Variants in LUZP2 observed in about 807,000 individuals in gnomAD.
The protein encoded by LUZP2 is leucine zipper protein 2.
In LUZP2, 52 loss-of-function variants were observed where a neutral mutation model predicts 51.6. That is an observed-to-expected ratio of 1.01 (90% CI 0.81 to 1.27). LUZP2 has a LOEUF of 1.27. LUZP2 is among the 50% of genes most tolerant of loss of function. LUZP2 has a pLI of 0.00. For missense variants in LUZP2, 436 were observed against 395.4 expected (o/e 1.10, Z -0.87); for synonymous variants, 154 against 137.3 (o/e 1.12, Z -0.85).
chr11:24,725,577 AAATT>A (rs1858443780), intron 1 of LUZP2, among the ~76,000 whole-genome samples: 1 of 152,146 alleles, frequency 6.6e-6, no homozygotes, highest in African/African-American at 2.4e-5. Context: ...TAATCTAAAT[AAATT>A]ATTTAAAAGA....
intron 10 of LUZP2, among the ~76,000 whole-genome samples, chr11:25,072,172 A>G (rs1193618301): frequency 6.6e-6 from 1 of 152,128 alleles, no homozygotes; most frequent in Non-Finnish European, 1.5e-5. Flanking sequence ...AGCCTGTGCT[A>G]TCATCTTACA....
chr11:25,026,917 G>A (rs971551265), intron 9 of LUZP2, among the ~76,000 whole-genome samples: 2 of 143,150 alleles, frequency 1.4e-5, no homozygotes, highest in African/African-American at 5.1e-5. Flanking sequence ...TATACTTTAA[G>A]TTTTAAACCA....
intron 1 of LUZP2, among the ~76,000 whole-genome samples, chr11:24,655,013 G>C (rs996343180): frequency 6.6e-6 from 1 of 151,994 alleles, no homozygotes; most frequent in Non-Finnish European, 1.5e-5. Context: ...AAAAATCTAG[G>C]CCGTACATAA....
chr11:24,536,385 CTGT>C (rs1471015426), intron 1 of LUZP2, among the ~76,000 whole-genome samples: 4 of 151,988 alleles, frequency 2.6e-5, no homozygotes, highest in African/African-American at 9.6e-5. Flanking sequence ...TATTGAAAAT[CTGT>C]TGTTTAGTGT....
intron 9 of LUZP2, among the ~76,000 whole-genome samples, chr11:25,014,189 G>C (rs1370199499): frequency 1.3e-5 from 2 of 152,146 alleles, no homozygotes; most frequent in Non-Finnish European, 2.9e-5. Context: ...TTGCTATTGT[G>C]AATAGTGCCA....
At chr11:24,523,550 A>T (rs1302463196) in intron 1 of LUZP2, among the ~76,000 whole-genome samples, 8 of 150,486 alleles carry the variant, frequency 5.3e-5, no homozygotes. Context: ...ATAATCTATT[A>T]TATATATATT....
intron 10 of LUZP2, among the ~76,000 whole-genome samples, chr11:25,056,052 T>C (rs544910742): frequency 8.9e-4 from 136 of 152,278 alleles, no homozygotes; most frequent in Non-Finnish European, 1.7e-3. Context: ...CTTTAATTAA[T>C]TTATCAAATG....
intron 1 of LUZP2, among the ~76,000 whole-genome samples, chr11:24,667,424 A>G (rs761747279): frequency 2.6e-5 from 4 of 152,034 alleles, no homozygotes; most frequent in Non-Finnish European, 5.9e-5. Context: ...TGACCTCGTG[A>G]TCTGCCGTCC....
intron 3 of LUZP2, among the ~76,000 whole-genome samples, chr11:24,732,690 C>T (rs535749507): frequency 2.0e-4 from 30 of 151,548 alleles, no homozygotes; most frequent in Non-Finnish European, 3.8e-4. Context: ...ATGAAATATA[C>T]TTGTGTAAAT....
chr11:24,517,183 G>T (rs1471789395), intron 1 of LUZP2, among the ~76,000 whole-genome samples: 5 of 151,896 alleles, frequency 3.3e-5, no homozygotes, highest in African/African-American at 1.2e-4. Flanking sequence ...ATTGCTAAAG[G>T]TTAAAAATAT....
At chr11:25,035,582 GA>G (rs1348463055) in intron 9 of LUZP2, among the ~76,000 whole-genome samples, 1 of 151,972 alleles carries the variant, frequency 6.6e-6, no homozygotes, top group Non-Finnish European at 1.5e-5. Context: ...TTGTTTAGAA[GA>G]ATCAATATCA....
At chr11:24,861,073 A>T (rs1298058958) in intron 5 of LUZP2, among the ~76,000 whole-genome samples, 1 of 152,158 alleles carries the variant, frequency 6.6e-6, no homozygotes, top group Non-Finnish European at 1.5e-5. Flanking sequence ...AAAGATTTGA[A>T]GAACTGCTAA....
At chr11:24,650,066 T>C (rs776768268) in intron 1 of LUZP2, among the ~76,000 whole-genome samples, 7 of 151,592 alleles carry the variant, frequency 4.6e-5, no homozygotes, top group African/African-American at 9.7e-5. Context: ...TCCAAGCTAT[T>C]AAGGCCTTCT....
At chr11:24,567,445 T>C (rs1283810886) in intron 1 of LUZP2, among the ~76,000 whole-genome samples, 1 of 152,154 alleles carries the variant, frequency 6.6e-6, no homozygotes, top group East Asian at 1.9e-4. Context: ...CTCCCAAATG[T>C]GATGTAACCA....
At chr11:25,040,096 A>G (rs1451327076) in intron 9 of LUZP2, among the ~76,000 whole-genome samples, 1 of 152,134 alleles carries the variant, frequency 6.6e-6, no homozygotes, top group Admixed American at 6.6e-5. Flanking sequence ...TTTCTAGAAG[A>G]CCAAAATTAG....
chr11:24,724,344 C>T (rs575038129), intron 1 of LUZP2, among the ~76,000 whole-genome samples: 7 of 152,014 alleles, frequency 4.6e-5, no homozygotes, highest in Non-Finnish European at 1.0e-4. Context: ...CTGAGGAGGG[C>T]AGATCGATTG....
intron 1 of LUZP2, among the ~76,000 whole-genome samples, chr11:24,627,537 C>T (rs1854724733): frequency 6.6e-6 from 1 of 152,134 alleles, no homozygotes; most frequent in African/African-American, 2.4e-5. Context: ...TCTGTGATCC[C>T]AGGAAGGCCA....
intron 4 of LUZP2, among the ~76,000 whole-genome samples, chr11:24,748,601 T>C (rs1243274295): frequency 3.3e-5 from 5 of 151,902 alleles, no homozygotes; most frequent in Non-Finnish European, 7.4e-5. Flanking sequence ...CTGGGACTAC[T>C]GGCGCGTGCC....
chr11:24,916,288 A>G (rs1323942368), intron 7 of LUZP2, among the ~76,000 whole-genome samples: 1 of 151,966 alleles, frequency 6.6e-6, no homozygotes, highest in East Asian at 1.9e-4. Context: ...TATATTCTCT[A>G]GAATACCTAA....
Sources: allele counts gnomAD v4.1 joint callset (sites outside exome capture counted in the v4.1 genomes callset), GRCh38; gene constraint gnomAD v4.1.1; transcripts MANE v1.5; gene names NCBI Gene and HGNC (gene_info 2026-07-23, HGNC 2026-07-21).